ANKFN1: variants seen among roughly 807,000 people sequenced by gnomAD.
ANKFN1 encodes ankyrin repeat and fibronectin type-III domain-containing protein 1.
In ANKFN1, 74 loss-of-function variants were observed where a neutral mutation model predicts 108.7. The ratio of observed to expected loss-of-function variants is 0.68; its 90% CI spans 0.56 to 0.83. The LOEUF is 0.83. Among genes scored for constraint, ANKFN1 ranks in the 40% least tolerant of loss-of-function variants. ANKFN1 has a pLI of 0.00. For synonymous variants in ANKFN1, 547 were observed against 516.2 expected, an observed-to-expected ratio of 1.06 and a Z score of -0.81; for missense variants, 1,505 against 1,382.3, an observed-to-expected ratio of 1.09 and a Z score of -1.41.
chr17:56,167,711 C>T (rs753022021), intron 1 of ANKFN1, among the ~76,000 whole-genome samples: 140 of 152,148 alleles, frequency 9.2e-4, no homozygotes, highest in Non-Finnish European at 1.4e-3. Flanking sequence ...AAGCTCTGCA[C>T]CATGTAGTCA....
intron 4 of ANKFN1, among the ~76,000 whole-genome samples, chr17:56,088,652 A>G (rs1018005353): frequency 2.0e-5 from 3 of 150,360 alleles, no homozygotes; most frequent in African/African-American, 7.3e-5. Context: ...GACTCCCTCC[A>G]CCTATCTTCC....
intron 8 of ANKFN1, among the ~76,000 whole-genome samples, chr17:56,415,741 A>T (rs1241244453): frequency 6.6e-6 from 1 of 152,124 alleles, no homozygotes; most frequent in African/African-American, 2.4e-5. Flanking sequence ...CCCACAAAAG[A>T]CCCTGTATAG....
chr17:56,141,913 C>T lies in ANKFN1; in HGVS notation c.289-86004C>T, dbSNP rs543912904. Among the ~76,000 whole-genome samples the T allele has an allele frequency of 7.4e-5, 11 of 147,746 alleles. No individual in the cohort carries two copies. In the East Asian group the frequency reaches 1.2e-3, roughly 16 times the overall value. ...TAAGATAGCCCCCTCTTTTTCATAA[C>T]GATGGTGTACTTTTTTTTTTTTTTT... On this transcript the variant is annotated intron_variant, in intron 4 of 12. Coordinates refer to the ANKFN1 transcript ENST00000635860.
intron 2 of ANKFN1, among the ~76,000 whole-genome samples, chr17:56,223,534 G>A (rs1382410071): frequency 6.6e-6 from 1 of 152,106 alleles, no homozygotes; most frequent in Non-Finnish European, 1.5e-5. Context: ...ACAAAAAACA[G>A]CAAAATTCCA....
At chr17:56,195,520 A>T (rs1206052889) in intron 1 of ANKFN1, 1 of 152,166 alleles carries the variant, frequency 6.6e-6, no homozygotes. Flanking sequence ...TATTTCCTCC[A>T]TGTCATTGTC....
intron 4 of ANKFN1, among the ~76,000 whole-genome samples, chr17:56,112,445 T>C (rs1298376937): frequency 6.6e-6 from 1 of 151,884 alleles, no homozygotes; most frequent in Non-Finnish European, 1.5e-5. Flanking sequence ...ACTAAAGTAA[T>C]ACTTGATTGT....
rs370260612 is a variant in ANKFN1 at position 56,333,826 on chromosome 17, T to C, written c.188+7471T>C. ...AGTATTAGCATACGGAAAAAGAAAATGTAAAACTAGAAATTAACATTCCCA... is the reference window on the plus strand; with the variant it reads ...AGTATTAGCATACGGAAAAAGAAAACGTAAAACTAGAAATTAACATTCCCA... On this transcript the variant is annotated intron_variant, in intron 4 of 20. Coordinates refer to ENST00000682825, the MANE Select transcript of ANKFN1 (RefSeq NM_001370326.1). Among the ~76,000 whole-genome samples, 22 of 152,004 alleles carry C rather than the reference T, an allele frequency of 1.4e-4. 3 individuals are homozygous for C. The highest frequency in any genetic ancestry group is 9.2e-4 in the Admixed American group (14 of 15,216).
intron 3 of ANKFN1, among the ~76,000 whole-genome samples, chr17:56,317,140 A>G (rs913774761): frequency 6.6e-6 from 1 of 152,172 alleles, no homozygotes; most frequent in African/African-American, 2.4e-5. Flanking sequence ...CTATGTGTTA[A>G]GTGCTCTATG....
intron 1 of ANKFN1, among the ~76,000 whole-genome samples, chr17:56,172,492 G>A (rs565240747): frequency 1.3e-5 from 2 of 152,194 alleles, no homozygotes; most frequent in Admixed American, 1.3e-4. Flanking sequence ...GAAGCAGCAA[G>A]CAGGTGACAA....
chr17:56,233,435 A>G lies in ANKFN1; in HGVS notation c.53+5478A>G, dbSNP rs189887623. ...GTCCTTCAAAGGGGAATTATGTTAC[A>G]TTCCACAGCAAAATATTCTAAAGAT... is the stretch of plus-strand genomic sequence containing the variant. On this transcript the variant is annotated intron_variant, in intron 3 of 20. Coordinates refer to ENST00000682825, the MANE Select transcript of ANKFN1 (RefSeq NM_001370326.1). Among the ~76,000 whole-genome samples the G allele has an allele frequency of 5.3e-3, 812 of 152,220 alleles. 8 individuals are homozygous for G. Among genetic ancestry groups the G allele is most frequent in the African/African-American group, 0.019 (778 of 41,588 alleles).
chr17:56,143,247 G>A (rs1469032495), intron 4 of ANKFN1, among the ~76,000 whole-genome samples: 2 of 152,158 alleles, frequency 1.3e-5, no homozygotes, highest in Admixed American at 6.5e-5. Flanking sequence ...TTCTTGTCAG[G>A]TATCAAAGGC....
intron 15 of ANKFN1, among the ~76,000 whole-genome samples, chr17:56,467,791 G>GAAGGAAGAAAGA (rs2050153076): frequency 1.8e-5 from 1 of 55,024 alleles, no homozygotes; most frequent in African/African-American, 5.4e-5. Context: ...AAGAAAGAAA[G>GAAGGAAGAAAGA]AAGAAAGAAA....
chr17:56,432,201 A>C (rs1307848513), intron 8 of ANKFN1, among the ~76,000 whole-genome samples: 1 of 152,202 alleles, frequency 6.6e-6, no homozygotes, highest in African/African-American at 2.4e-5. Flanking sequence ...CATGAACAAA[A>C]ATTATCAGGA....
intron 4 of ANKFN1, among the ~76,000 whole-genome samples, chr17:56,347,542 C>T (rs1567932611): frequency 6.6e-6 from 1 of 151,982 alleles, no homozygotes; most frequent in Non-Finnish European, 1.5e-5. Context: ...TTCTCAAATG[C>T]TTGTCTCTTT....
chr17:56,428,519 G>A (rs2048651322), intron 8 of ANKFN1, among the ~76,000 whole-genome samples: 1 of 148,112 alleles, frequency 6.8e-6, no homozygotes, highest in Non-Finnish European at 1.5e-5. Context: ...CTGGAGTGCA[G>A]TGGCACAATC....
intron 20 of ANKFN1, among the ~76,000 whole-genome samples, chr17:56,504,095 T>C (rs1203994360): frequency 7.2e-5 from 11 of 152,244 alleles, no homozygotes. Flanking sequence ...TCCCAGACTG[T>C]TCTGGGAGGG....
chr17:56,434,378 C>CAAA (rs58017155), intron 8 of ANKFN1, among the ~76,000 whole-genome samples: 2 of 127,380 alleles, frequency 1.6e-5, no homozygotes, highest in African/African-American at 3.0e-5. Context: ...TTTCTAGTGT[C>CAAA]AAAAAAAAAA....
rs1320718168 is a variant in ANKFN1 at position 56,192,289 on chromosome 17, A to G, written c.-70-20309A>G. ...AGATTTAAATGTTAGACCTAAAACCATAAAAACCCTAGAAGAAAACCTAGG... is the reference window on the plus strand; with the variant it reads ...AGATTTAAATGTTAGACCTAAAACCGTAAAAACCCTAGAAGAAAACCTAGG... On this transcript the variant is annotated intron_variant, in intron 1 of 20. Transcript: ENST00000682825. Among the ~76,000 whole-genome samples the G allele has an allele frequency of 3.5e-5, 5 of 141,298 alleles. No homozygotes were observed. In the East Asian group the frequency reaches 8.1e-4, roughly 23 times the overall value. 92.7% of individuals were successfully genotyped at this position (141,298 alleles called of 152,430 possible).
chr17:56,503,486 CATAT>C (rs3052391), intron 20 of ANKFN1, among the ~76,000 whole-genome samples: 4,294 of 81,166 alleles, frequency 0.053, 111 homozygotes, highest in South Asian at 0.074. Context: ...GCACAAATTT[CATAT>C]ATATATATAT....
Sources: gnomAD v4.1 joint callset for allele counts (sites outside exome capture counted in the v4.1 genomes callset) on GRCh38, gnomAD v4.1.1 for gene constraint, MANE v1.5 for transcripts, NCBI Gene and HGNC (gene_info 2026-07-23, HGNC 2026-07-21) for gene names.